Variants in SNRPB2 observed in about 807,000 individuals in gnomAD.
SNRPB2 encodes small nuclear ribonucleoprotein polypeptide B2, also known as U2 small nuclear ribonucleoprotein B''.
In SNRPB2, 16 loss-of-function variants were observed where a neutral mutation model predicts 26.3. The ratio of observed to expected loss-of-function variants is 0.61; its 90% CI spans 0.41 to 0.92. SNRPB2 has a LOEUF of 0.92. Among genes scored for constraint, SNRPB2 ranks in the 40% least tolerant of loss-of-function variants. The pLI, the probability that SNRPB2 is intolerant of heterozygous loss-of-function variation, is 0.00. For synonymous variants in SNRPB2, 75 were observed against 89.0 expected, an observed-to-expected ratio of 0.84 and a Z score of 0.88; for missense variants, 179 against 268.1, an observed-to-expected ratio of 0.67 and a Z score of 2.32.
At chr20:16,731,562 C>A in intron 1 of SNRPB2, 106 bp from the exon 2 acceptor site, 3 of 1,157,110 alleles carry the variant, frequency 2.6e-6, no homozygotes, top group Non-Finnish European at 3.7e-6. Context: ...GCCAAACTGA[C>A]ATTTTCTGAC....
chr20:16,737,237 C>T lies in SNRPB2; in HGVS notation c.238-24C>T, dbSNP rs1040797923. 3.9e-6 allele frequency: 6 copies of T among 1,552,530 alleles called. No homozygotes were observed. In the African/African-American group the frequency reaches 5.6e-5, roughly 14 times the overall value. ...AAACATCCTTCAGCATGAGAAGTAA[C>T]CTGTTTTCAAATAATTAAAACAGCG... On this transcript the variant is annotated intron_variant, in intron 3 of 6. Transcript: ENST00000246071.
intron 6 of SNRPB2, 75 bp from the exon 7 acceptor site, chr20:16,740,771 T>C: frequency 8.8e-7 from 1 of 1,132,942 alleles, no homozygotes; most frequent in South Asian, 1.5e-5. Context: ...TATTAGGAAG[T>C]TGCTTAACAA....
chr20:16,736,546 C>G lies in SNRPB2; in HGVS notation c.238-715C>G, dbSNP rs913331154. ...AAATGGTTTAAAAGAAATTTTCCAT[C>G]TAGTTTTCTGCCAGAAAAGTTGTTC... On this transcript the variant is annotated intron_variant, in intron 3 of 6. Coordinates refer to ENST00000246071, the MANE Select transcript of SNRPB2 (RefSeq NM_003092.5). Among the ~76,000 whole-genome samples, 6 of 152,170 alleles carry G rather than the reference C, an allele frequency of 3.9e-5. No individual in the cohort carries two copies. In the East Asian group the frequency reaches 9.6e-4, roughly 24 times the overall value.
At chr20:16,739,084 A>G (rs181716491) in intron 5 of SNRPB2, among the ~76,000 whole-genome samples, 182 bp downstream of exon 5, 57 of 152,364 alleles carry the variant, frequency 3.7e-4, no homozygotes, top group African/African-American at 1.3e-3. Context: ...ATTCTTTTTT[A>G]GAGAGAGAAA....
chr20:16,737,496 A>T, intron 4 of SNRPB2, 95 bp downstream of exon 4: 1 of 1,147,220 alleles, frequency 8.7e-7, no homozygotes, highest in Non-Finnish European at 1.2e-6. Flanking sequence ...GCTTGTCTGT[A>T]TATGTGCATA....
intron 3 of SNRPB2, among the ~76,000 whole-genome samples, chr20:16,733,119 G>T (rs369689422): frequency 5.3e-5 from 8 of 152,320 alleles, no homozygotes; most frequent in African/African-American, 1.9e-4. Flanking sequence ...AAGGGCCAGG[G>T]TTTAGAGGAG....
intron 6 of SNRPB2, 117 bp downstream of exon 6, chr20:16,740,530 G>T (rs948680203): frequency 1.1e-5 from 16 of 1,468,462 alleles, no homozygotes; most frequent in African/African-American, 5.7e-5. Flanking sequence ...TCATTGATTT[G>T]GTTTGGGATG....
intron 3 of SNRPB2, among the ~76,000 whole-genome samples, chr20:16,733,021 G>A (rs546421575): frequency 7.9e-5 from 12 of 152,324 alleles, no homozygotes; most frequent in African/African-American, 2.9e-4. Flanking sequence ...CTATGTATGA[G>A]TGAATACACC....
intron 3 of SNRPB2, among the ~76,000 whole-genome samples, chr20:16,735,520 C>A (rs182180832): frequency 6.6e-6 from 1 of 152,302 alleles, no homozygotes; most frequent in East Asian, 1.9e-4. Context: ...TAAGCCAGGG[C>A]TACTCAAAAT....
rs955766571 is a variant in SNRPB2 at position 16,742,532 on chromosome 20, C to T, written c.*1527C>T. On this transcript the variant is annotated 3_prime_UTR_variant, in exon 7 of 7. Transcript: ENST00000246071. Reference sequence around the variant, plus strand: ...TTTTTTTAAAGTGGGTTAGAATTTACGTACAATAAAGTTCACCCATGTTAG... The same window carrying T: ...TTTTTTTAAAGTGGGTTAGAATTTATGTACAATAAAGTTCACCCATGTTAG... 1.3e-5 allele frequency: 2 copies of T among 152,148 alleles called. No individual in the cohort carries two copies. The highest frequency in any genetic ancestry group is 2.1e-4 in the South Asian group (1 of 4,818). 9.4% of individuals were successfully genotyped at this position (152,148 alleles called of 1,614,324 possible). A position where few individuals can be genotyped will look rare whatever the true frequency, so the allele number is the denominator to read the frequency against.
chr20:16,738,829 C>G (rs376096482), intron 4 of SNRPB2, 23 bp from the exon 5 acceptor site: 15 of 1,443,244 alleles, frequency 1.0e-5, no homozygotes, highest in Non-Finnish European at 1.4e-5. Flanking sequence ...GATATTTAAA[C>G]TCTCCCTATT....
At chr20:16,732,090 A>G (rs939038163) in intron 2 of SNRPB2, 74 bp from the exon 3 acceptor site, 15 of 870,470 alleles carry the variant, frequency 1.7e-5, no homozygotes, top group African/African-American at 1.4e-4. Flanking sequence ...GGGCAACTCA[A>G]TGCAGTATCA....
At chr20:16,737,987 C>T (rs1431841117) in intron 4 of SNRPB2, among the ~76,000 whole-genome samples, 2 of 143,418 alleles carry the variant, frequency 1.4e-5, no homozygotes, top group Non-Finnish European at 3.0e-5. Context: ...TGCAGTGAGC[C>T]GAGATTGTGC....
At position 16,740,378 on chromosome 20, in the gene SNRPB2, G is replaced by A. The variant is rs2072455340; in HGVS notation, c.483G>A (p.Glu161=). The A allele has an allele frequency of 6.2e-7, 1 of 1,612,094 alleles. No homozygotes were observed. The change falls in exon 6 of 7, where the codon GAG becomes GAA. Residue 161 remains glutamate, a synonymous_variant. Transcript: ENST00000246071. ...YILFLNNLPE[E]TNEMMLSMLF... ...TATTCCTTAATAACTTACCAGAAGAGACTAATGAGATGATGTTATCCATGC... is the reference window on the plus strand; with the variant it reads ...TATTCCTTAATAACTTACCAGAAGAAACTAATGAGATGATGTTATCCATGC...
In SNRPB2 at chr20:16,741,541, G is replaced by A. The variant is rs1459655889; in HGVS notation, c.*536G>A. 6.6e-6 allele frequency: 1 copy of A among 152,140 alleles called. No individual in the cohort carries two copies. The highest frequency in any genetic ancestry group is 1.9e-4 in the East Asian group (1 of 5,196). The allele number at this position is 152,140 out of a possible 1,614,324, so 9.4% of individuals were successfully genotyped here. ...TTTGCTGCTAGTAGGGATTCCACAA[G>A]TTTTCTTCATTCAGTATTAAATAAA... is the stretch of plus-strand genomic sequence containing the variant. On this transcript the variant is annotated 3_prime_UTR_variant, in exon 7 of 7. Coordinates refer to ENST00000246071, the MANE Select transcript of SNRPB2 (RefSeq NM_003092.5).
At chr20:16,738,581 A>G (rs1157806770) in intron 4 of SNRPB2, among the ~76,000 whole-genome samples, 1 of 152,120 alleles carries the variant, frequency 6.6e-6, no homozygotes, top group African/African-American at 2.4e-5. Context: ...TTTCTCTTAT[A>G]TATTTCTCCA....
rs1473432039 is a variant in SNRPB2 at position 16,741,760 on chromosome 20, A to G, written c.*755A>G. 1 of 152,214 alleles carries G rather than the reference A, an allele frequency of 6.6e-6. No homozygotes were observed. The highest frequency in any genetic ancestry group is 2.4e-5 in the African/African-American group (1 of 41,462). The allele number at this position is 152,214 out of a possible 1,614,324, so 9.4% of individuals were successfully genotyped here. A position where few individuals can be genotyped will look rare whatever the true frequency, so the allele number is the denominator to read the frequency against. ...TTAAGACAAATAGACTGATTAATAA[A>G]GAGTTGCCAGTGCTAAGCTTGCTAC... On this transcript the variant is annotated 3_prime_UTR_variant, in exon 7 of 7. Coordinates refer to ENST00000246071, the MANE Select transcript of SNRPB2 (RefSeq NM_003092.5).
At chr20:16,738,665 C>T (rs76362278) in intron 4 of SNRPB2, among the ~76,000 whole-genome samples, 187 bp from the exon 5 acceptor site, 5 of 151,586 alleles carry the variant, frequency 3.3e-5, no homozygotes, top group South Asian at 2.1e-4. Flanking sequence ...CAAAAATAAC[C>T]GACAAATTAA....
chr20:16,734,934 T>G (rs2072415644), intron 3 of SNRPB2, among the ~76,000 whole-genome samples: 1 of 152,148 alleles, frequency 6.6e-6, no homozygotes, highest in African/African-American at 2.4e-5. Flanking sequence ...AGGGAACCCT[T>G]AGGACCAAGT....
Sources: gnomAD v4.1 joint callset for allele counts (sites outside exome capture counted in the v4.1 genomes callset) on GRCh38, gnomAD v4.1.1 for gene constraint, MANE v1.5 for transcripts, NCBI Gene and HGNC (gene_info 2026-07-23, HGNC 2026-07-21) for gene names.